PTPRD: variants seen among roughly 807,000 people sequenced by gnomAD.
The protein encoded by PTPRD is protein tyrosine phosphatase receptor type D.
A neutral mutation model predicts 214.5 loss-of-function variants in PTPRD; 34 were observed. The observed-to-expected ratio is 0.16, with a 90% CI of 0.12 to 0.21. PTPRD has a LOEUF of 0.21. Among genes scored for constraint, PTPRD ranks in the 10% least tolerant of loss-of-function variants. PTPRD has a pLI of 1.00. For synonymous variants in PTPRD, 1,128 were observed against 845.7 expected, an observed-to-expected ratio of 1.33 and a Z score of -5.79; for missense variants, 2,545 against 2,398.7, an observed-to-expected ratio of 1.06 and a Z score of -1.27.
At chr9:9,954,165 G>A (rs1233377614) in intron 4 of PTPRD, among the ~76,000 whole-genome samples, 10 of 151,588 alleles carry the variant, frequency 6.6e-5, no homozygotes, top group Non-Finnish European at 1.2e-4. Flanking sequence ...GTGTGGTGGT[G>A]TGCACCTGTA....
intron 14 of PTPRD, among the ~76,000 whole-genome samples, chr9:8,615,728 G>A (rs561331820): frequency 6.6e-6 from 1 of 151,842 alleles, no homozygotes; most frequent in Non-Finnish European, 1.5e-5. Context: ...GAAAAAAATT[G>A]ATTTGACATT....
At chr9:9,758,227 TA>T (rs528353457) in intron 6 of PTPRD, among the ~76,000 whole-genome samples, 64 of 151,962 alleles carry the variant, frequency 4.2e-4, no homozygotes, top group African/African-American at 1.5e-3. Context: ...TATTTCCTTA[TA>T]AAAAAACAGA....
chr9:8,473,862 G>C (rs933050750), intron 30 of PTPRD, among the ~76,000 whole-genome samples: 1 of 152,194 alleles, frequency 6.6e-6, no homozygotes, highest in Admixed American at 6.5e-5. Flanking sequence ...TCAAAGTGAA[G>C]CTTGCTTCAA....
chr9:10,252,657 A>G (rs1811115271), intron 3 of PTPRD, among the ~76,000 whole-genome samples: 1 of 152,166 alleles, frequency 6.6e-6, no homozygotes, highest in African/African-American at 2.4e-5. Context: ...TTTGTTACAT[A>G]GCGATAGATA....
chr9:9,767,326 G>A (rs559800190), intron 5 of PTPRD, among the ~76,000 whole-genome samples: 95 of 152,074 alleles, frequency 6.2e-4, no homozygotes, highest in African/African-American at 2.1e-3. Context: ...AACAGAGATA[G>A]ACTTTTATAG....
intron 3 of PTPRD, among the ~76,000 whole-genome samples, chr9:10,037,654 A>C (rs904494417): frequency 6.6e-6 from 1 of 151,932 alleles, no homozygotes. Context: ...TGGTTTAACC[A>C]AGACAAGTTC....
At chr9:10,490,201 T>A (rs914316515) in intron 2 of PTPRD, among the ~76,000 whole-genome samples, 2 of 152,170 alleles carry the variant, frequency 1.3e-5, no homozygotes, top group Non-Finnish European at 2.9e-5. Context: ...AACATTTAAA[T>A]TGGTAGACAG....
chr9:9,471,820 C>T (rs1029579164), intron 8 of PTPRD, among the ~76,000 whole-genome samples: 4 of 152,108 alleles, frequency 2.6e-5, no homozygotes, highest in African/African-American at 9.7e-5. Context: ...ATATAGGCAG[C>T]ATTGCAGCAT....
chr9:9,212,832 T>C (rs1302870627), intron 9 of PTPRD, among the ~76,000 whole-genome samples: 2 of 152,074 alleles, frequency 1.3e-5, no homozygotes, highest in Admixed American at 6.6e-5. Context: ...TTGCAATGTG[T>C]GAGGTGAAAA....
chr9:10,364,689 T>TCAGG (rs1253145815), intron 2 of PTPRD, among the ~76,000 whole-genome samples: 1 of 152,162 alleles, frequency 6.6e-6, no homozygotes, highest in Non-Finnish European at 1.5e-5. Context: ...TATAGAACAA[T>TCAGG]CAGGCCTACA....
chr9:9,427,333 T>A (rs1229695933), intron 8 of PTPRD, among the ~76,000 whole-genome samples: 2 of 151,936 alleles, frequency 1.3e-5, no homozygotes, highest in Admixed American at 6.6e-5. Flanking sequence ...ATCAAATGAA[T>A]GAAATGAAGC....
At chr9:9,073,641 G>C (rs942961156) in intron 10 of PTPRD, among the ~76,000 whole-genome samples, 1 of 152,156 alleles carries the variant, frequency 6.6e-6, no homozygotes, top group African/African-American at 2.4e-5. Flanking sequence ...CGAGCCTTCA[G>C]ATGCAAGACT....
At chr9:10,164,725 T>C (rs1259015121) in intron 3 of PTPRD, among the ~76,000 whole-genome samples, 1 of 151,664 alleles carries the variant, frequency 6.6e-6, no homozygotes, top group Admixed American at 6.6e-5. Context: ...GAGTATATTT[T>C]ATTCAAATAT....
At chr9:10,552,128 A>G (rs1028899421) in intron 2 of PTPRD, among the ~76,000 whole-genome samples, 16 of 152,200 alleles carry the variant, frequency 1.1e-4, no homozygotes, top group African/African-American at 3.4e-4. Context: ...TTTTGCAGTC[A>G]TTTCAAGAGG....
chr9:10,267,977 T>C (rs1236816935), intron 3 of PTPRD, among the ~76,000 whole-genome samples: 2 of 152,054 alleles, frequency 1.3e-5, no homozygotes, highest in African/African-American at 4.8e-5. Flanking sequence ...TAAAAAAATA[T>C]GCTAAAAAAA....
chr9:9,177,273 A>C (rs2099925483), intron 10 of PTPRD, among the ~76,000 whole-genome samples: 1 of 151,978 alleles, frequency 6.6e-6, no homozygotes, highest in African/African-American at 2.4e-5. Context: ...AGCATGGGGG[A>C]AACTGCCCCC....
intron 7 of PTPRD, among the ~76,000 whole-genome samples, chr9:9,686,898 T>A (rs1047302203): frequency 6.6e-6 from 1 of 151,758 alleles, no homozygotes; most frequent in African/African-American, 2.4e-5. Flanking sequence ...TATGCTAACT[T>A]CTTCCAATAT....
intron 30 of PTPRD, among the ~76,000 whole-genome samples, chr9:8,473,822 G>A (rs534167044): frequency 2.8e-4 from 43 of 152,164 alleles, no homozygotes; most frequent in South Asian, 2.1e-4. Flanking sequence ...TTTTTTCTCC[G>A]CTGATCTCTA....
chr9:8,430,108 A>G (rs1047198782), intron 35 of PTPRD, among the ~76,000 whole-genome samples: 2 of 152,168 alleles, frequency 1.3e-5, no homozygotes, highest in African/African-American at 4.8e-5. Flanking sequence ...CACAAAATGT[A>G]TAACATCTAG....
Sources: gnomAD v4.1 joint callset for allele counts (sites outside exome capture counted in the v4.1 genomes callset) on GRCh38, gnomAD v4.1.1 for gene constraint, MANE v1.5 for transcripts, NCBI Gene and HGNC (gene_info 2026-07-23, HGNC 2026-07-21) for gene names.